ABCG2: variants seen among roughly 807,000 people sequenced by gnomAD.
ABCG2 encodes broad substrate specificity ATP-binding cassette transporter ABCG2.
ABCG2 carries 80 observed loss-of-function variants against 73.5 expected under a neutral mutation model. That is an observed-to-expected ratio of 1.09 (90% CI 0.91 to 1.31). The LOEUF (loss-of-function observed/expected upper bound fraction) is 1.31. Ranked by LOEUF, ABCG2 falls within the 50% of genes most tolerant of loss-of-function variation. ABCG2 has a pLI of 0.00. For synonymous variants in ABCG2, 269 were observed against 282.4 expected, an observed-to-expected ratio of 0.95 and a Z score of 0.48; for missense variants, 796 against 786.2, an observed-to-expected ratio of 1.01 and a Z score of -0.15.
At chr4:88,179,204 G>A (rs1272583470) in intron 1 of ABCG2, among the ~76,000 whole-genome samples, 1 of 152,192 alleles carries the variant, frequency 6.6e-6, no homozygotes, top group African/African-American at 2.4e-5. Flanking sequence ...CAGAGAGAGG[G>A]AGAGACTCCA....
At chr4:88,185,502 T>A (rs1728416454) in intron 1 of ABCG2, among the ~76,000 whole-genome samples, 1 of 152,090 alleles carries the variant, frequency 6.6e-6, no homozygotes, top group African/African-American at 2.4e-5. Flanking sequence ...ATAAATGGGA[T>A]CACATCAAGT....
intron 5 of ABCG2, among the ~76,000 whole-genome samples, chr4:88,122,656 G>C (rs574310244): frequency 6.6e-6 from 1 of 152,318 alleles, no homozygotes; most frequent in Admixed American, 6.5e-5. Flanking sequence ...AAAGGCAGCA[G>C]CCCCAGTCAG....
At chr4:88,133,136 G>A (rs933700008) in intron 2 of ABCG2, among the ~76,000 whole-genome samples, 3 of 152,186 alleles carry the variant, frequency 2.0e-5, no homozygotes, top group African/African-American at 7.2e-5. Context: ...AACACAGTGT[G>A]AAACGAAATA....
intron 1 of ABCG2, among the ~76,000 whole-genome samples, chr4:88,169,614 G>A (rs1422642835): frequency 6.6e-6 from 1 of 152,150 alleles, no homozygotes; most frequent in African/African-American, 2.4e-5. Flanking sequence ...GGCCCAAAAT[G>A]TGAAACTATT....
chr4:88,122,019 C>A (rs899941635), intron 5 of ABCG2, among the ~76,000 whole-genome samples: 1 of 152,070 alleles, frequency 6.6e-6, no homozygotes, highest in Non-Finnish European at 1.5e-5. Flanking sequence ...ATACAAAGCA[C>A]CTCCTTGGGT....
At chr4:88,192,136 G>A (rs551665168) in intron 1 of ABCG2, among the ~76,000 whole-genome samples, 4 of 151,462 alleles carry the variant, frequency 2.6e-5, no homozygotes, top group South Asian at 2.1e-4. Flanking sequence ...AGCCAAGATC[G>A]TGTCACTGCA....
At chr4:88,099,649 G>A (rs1722258786) in intron 11 of ABCG2, among the ~76,000 whole-genome samples, 1 of 152,154 alleles carries the variant, frequency 6.6e-6, no homozygotes, top group South Asian at 2.1e-4. Context: ...ATGAAGCTCT[G>A]CGCACAGCCC....
In ABCG2 at chr4:88,101,210, C is replaced by T. The variant is rs2231153; in HGVS notation, c.1367+20G>A. 0.91 allele frequency: 1,470,940 copies of T among 1,612,036 alleles called. 687,373 individuals are homozygous for T. The highest frequency in any genetic ancestry group is 0.96 in the Non-Finnish European group (1,137,118 of 1,178,444). ...CCCTGCTGCTGGACAGCCCCGTTCC[C>T]AGAACAAAGACCTACTCACATGAAG... is the stretch of plus-strand genomic sequence containing the variant. On this transcript the variant is annotated intron_variant, in intron 11 of 15. Transcript: ENST00000237612.
At chr4:88,108,835 G>A (rs892939851) in intron 9 of ABCG2, among the ~76,000 whole-genome samples, 2 of 151,998 alleles carry the variant, frequency 1.3e-5, no homozygotes, top group Non-Finnish European at 2.9e-5. Context: ...AGAAATTTTG[G>A]GGGGAAATCC....
intron 1 of ABCG2, among the ~76,000 whole-genome samples, chr4:88,211,762 G>C (rs1729610493): frequency 6.6e-6 from 1 of 152,068 alleles, no homozygotes; most frequent in African/African-American, 2.4e-5. Flanking sequence ...GGGGAATACA[G>C]CAATTCTCTT....
chr4:88,173,631 T>C (rs1020902969), intron 1 of ABCG2, among the ~76,000 whole-genome samples: 1 of 152,230 alleles, frequency 6.6e-6, no homozygotes, highest in Admixed American at 6.5e-5. Flanking sequence ...TTTTTACATT[T>C]ATTTTATTTT....
intron 2 of ABCG2, among the ~76,000 whole-genome samples, chr4:88,136,866 A>C (rs1725280183): frequency 6.6e-6 from 1 of 151,860 alleles, no homozygotes; most frequent in Non-Finnish European, 1.5e-5. Context: ...GATACAAAAA[A>C]TTAGCTGGGC....
At chr4:88,137,915 G>C (rs1353237496) in intron 2 of ABCG2, among the ~76,000 whole-genome samples, 1 of 152,170 alleles carries the variant, frequency 6.6e-6, no homozygotes, top group African/African-American at 2.4e-5. Flanking sequence ...AGTGCTTTGG[G>C]AGGCCAAGGT....
chr4:88,120,036 A>C (rs1157259477), intron 6 of ABCG2, among the ~76,000 whole-genome samples: 1 of 152,108 alleles, frequency 6.6e-6, no homozygotes, highest in Non-Finnish European at 1.5e-5. Flanking sequence ...GCCTAGGAGG[A>C]AAAAATGGTT....
chr4:88,165,718 AC>A (rs1727487909), intron 1 of ABCG2, among the ~76,000 whole-genome samples: 1 of 152,178 alleles, frequency 6.6e-6, no homozygotes, highest in Admixed American at 6.5e-5. Flanking sequence ...TACTAAAAAT[AC>A]AAAAATTAAG....
chr4:88,090,427 G>A lies in ABCG2; in HGVS notation c.*1807C>T, dbSNP rs1020775717. On this transcript the variant is annotated 3_prime_UTR_variant, in exon 16 of 16. Transcript: ENST00000237612. Reference sequence around the variant, plus strand: ...GTAAGGGACAGGTATGTGAAAAGCAGGAATTATACCAAGAACAGGAAAAAC... The same window carrying A: ...GTAAGGGACAGGTATGTGAAAAGCAAGAATTATACCAAGAACAGGAAAAAC... 3 of 151,910 alleles carry A rather than the reference G, an allele frequency of 2.0e-5. No individual in the cohort carries two copies. Among genetic ancestry groups the A allele is most frequent in the Non-Finnish European group, 4.4e-5 (3 of 67,992 alleles). 9.4% of individuals were successfully genotyped at this position (151,910 alleles called of 1,614,324 possible). A position where few individuals can be genotyped will look rare whatever the true frequency, so the allele number is the denominator to read the frequency against.
At chr4:88,160,758 A>G (rs1399483541), upstream of ABCG2, among the ~76,000 whole-genome samples, 4 of 147,656 alleles carry the variant, frequency 2.7e-5, no homozygotes, top group East Asian at 2.1e-4. Context: ...CTGAGGCAGG[A>G]GAATTGCTGG....
chr4:88,228,889 A>AC (rs1417653775), intron 1 of ABCG2, among the ~76,000 whole-genome samples: 1 of 123,864 alleles, frequency 8.1e-6, no homozygotes, highest in African/African-American at 2.8e-5. Flanking sequence ...CACTCTGTAA[A>AC]ATGCACCAAT....
At chr4:88,158,828 A>T (rs1358351653), upstream of ABCG2, 1 of 334,448 alleles carries the variant, frequency 3.0e-6, no homozygotes, top group East Asian at 1.0e-4. Flanking sequence ...GGAGACCCGG[A>T]CATCCAGGGG....
Sources: allele counts gnomAD v4.1 joint callset (sites outside exome capture counted in the v4.1 genomes callset), GRCh38; gene constraint gnomAD v4.1.1; transcripts MANE v1.5; gene names NCBI Gene and HGNC (gene_info 2026-07-23, HGNC 2026-07-21).